The following KCNIP4 variants were observed in gnomAD, a reference collection of about 807,000 sequenced individuals.
KCNIP4 encodes the protein potassium voltage-gated channel interacting protein 4, also known as Kv channel-interacting protein 4.
A neutral mutation model predicts 34.0 loss-of-function variants in KCNIP4; 12 were observed. The ratio of observed to expected loss-of-function variants is 0.35; its 90% CI spans 0.23 to 0.57. The LOEUF is 0.57. Ranked by LOEUF, KCNIP4 falls within the 20% of genes least tolerant of loss-of-function variation. The pLI is 0.83. For missense variants in KCNIP4, 238 were observed against 311.7 expected, an observed-to-expected ratio of 0.76 and a Z score of 1.78; for synonymous variants, 124 against 102.2, an observed-to-expected ratio of 1.21 and a Z score of -1.29.
chr4:21,881,506 C>T (rs1726458999), intron 1 of KCNIP4, among the ~76,000 whole-genome samples: 2 of 43,554 alleles, frequency 4.6e-5, no homozygotes, highest in South Asian at 4.1e-3. Context: ...ATAACTAGGT[C>T]ACTGTCCTTG....
Position 21,129,247 on chromosome 4 carries a change from C to T in KCNIP4, c.62-246538G>A, listed in dbSNP as rs1037296571. On this transcript the variant is annotated intron_variant, in intron 1 of 8. Transcript: ENST00000382152. ...CACGATTGTGAGGCCTACCTAGCCA[C>T]GTAGAACTGTGAGTCAATTAAACCT... 5.3e-5 allele frequency among the ~76,000 whole-genome samples: 8 copies of T among 152,316 alleles called. 1 individual carries two copies. The highest frequency in any genetic ancestry group is 2.6e-4 in the Admixed American group (4 of 15,290).
intron 1 of KCNIP4, among the ~76,000 whole-genome samples, chr4:21,431,935 A>T (rs577747287): frequency 6.6e-6 from 1 of 151,070 alleles, no homozygotes; most frequent in Non-Finnish European, 1.5e-5. Context: ...TTTAATAAAA[A>T]GCTACTGATA....
At chr4:21,291,692 CA>C (rs879826777) in intron 1 of KCNIP4, among the ~76,000 whole-genome samples, 158 of 139,670 alleles carry the variant, frequency 1.1e-3, no homozygotes, top group South Asian at 1.8e-3. Flanking sequence ...TATTAAAATA[CA>C]AAAAAAAAAA....
intron 3 of KCNIP4, among the ~76,000 whole-genome samples, chr4:20,764,253 T>C (rs1414998605): frequency 6.6e-6 from 1 of 152,206 alleles, no homozygotes; most frequent in African/African-American, 2.4e-5. Context: ...ATTGGTCATT[T>C]ATATAAGCAT....
chr4:21,592,066 A>G (rs1417312653), intron 1 of KCNIP4, among the ~76,000 whole-genome samples: 2 of 152,112 alleles, frequency 1.3e-5, no homozygotes, highest in African/African-American at 4.8e-5. Flanking sequence ...ATACTGGAGT[A>G]ACAGAATTCA....
intron 1 of KCNIP4, among the ~76,000 whole-genome samples, chr4:21,404,128 G>A (rs1329338008): frequency 6.6e-6 from 1 of 152,050 alleles, no homozygotes; most frequent in Non-Finnish European, 1.5e-5. Flanking sequence ...CCTCTGCCTG[G>A]GGGGGCTCTC....
chr4:21,751,209 C>G (rs1717128995), intron 1 of KCNIP4, among the ~76,000 whole-genome samples: 1 of 152,114 alleles, frequency 6.6e-6, no homozygotes, highest in Non-Finnish European at 1.5e-5. Flanking sequence ...TAGTGTTACA[C>G]ATTTAAAGAG....
At chr4:21,110,361 A>G (rs889513812) in intron 1 of KCNIP4, among the ~76,000 whole-genome samples, 3 of 152,204 alleles carry the variant, frequency 2.0e-5, no homozygotes, top group Admixed American at 2.0e-4. Flanking sequence ...CACAGCAAGG[A>G]GGGCCAAATG....
chr4:20,859,797 G>A (rs1343995905), intron 2 of KCNIP4, among the ~76,000 whole-genome samples: 4 of 152,256 alleles, frequency 2.6e-5, no homozygotes, highest in African/African-American at 9.6e-5. Context: ...CTTGCCTTAC[G>A]AACAAATATG....
chr4:21,301,294 G>A (rs762131298), intron 1 of KCNIP4, among the ~76,000 whole-genome samples: 4 of 152,018 alleles, frequency 2.6e-5, no homozygotes, highest in Non-Finnish European at 2.9e-5. Context: ...TTATACAAAT[G>A]TCATATTTTA....
chr4:21,626,493 CT>C, intron 1 of KCNIP4, among the ~76,000 whole-genome samples: 1 of 151,996 alleles, frequency 6.6e-6, no homozygotes, highest in South Asian at 2.1e-4. Context: ...TGAAACCTAC[CT>C]TGCTGGCACA....
intron 1 of KCNIP4, among the ~76,000 whole-genome samples, chr4:21,438,890 T>C (rs1022785233): frequency 1.3e-5 from 2 of 151,850 alleles, no homozygotes; most frequent in Non-Finnish European, 2.9e-5. Context: ...GGACGGGGCG[T>C]GGTGGCTCAC....
At chr4:21,770,836 G>T (rs7697653) in intron 1 of KCNIP4, among the ~76,000 whole-genome samples, 22,621 of 152,072 alleles carry the variant, frequency 0.15, 5,656 homozygotes, top group African/African-American at 0.51. Flanking sequence ...ATAAATTCTG[G>T]ATATTAGCCC....
At chr4:21,071,447 A>C (rs1000244038) in intron 1 of KCNIP4, among the ~76,000 whole-genome samples, 13 of 152,022 alleles carry the variant, frequency 8.6e-5, no homozygotes, top group African/African-American at 2.4e-5. Context: ...TGTTTCTTTA[A>C]TCTGTCTTTC....
intron 1 of KCNIP4, among the ~76,000 whole-genome samples, chr4:21,118,244 C>G (rs1330636145): frequency 1.3e-5 from 2 of 152,136 alleles, no homozygotes; most frequent in African/African-American, 4.8e-5. Flanking sequence ...GTCCAATCCA[C>G]AAACCCTGCA....
chr4:21,843,415 C>T (rs1723810719), intron 1 of KCNIP4: 1 of 152,026 alleles, frequency 6.6e-6, no homozygotes, highest in African/African-American at 2.4e-5. Flanking sequence ...AATATGGCAC[C>T]TTGACATTGG....
intron 1 of KCNIP4, among the ~76,000 whole-genome samples, chr4:21,585,461 C>T (rs1453727553): frequency 6.6e-6 from 1 of 152,104 alleles, no homozygotes; most frequent in Non-Finnish European, 1.5e-5. Flanking sequence ...ATAAATACTA[C>T]TTACACAACT....
At chr4:21,631,974 T>C (rs1745795997) in intron 1 of KCNIP4, among the ~76,000 whole-genome samples, 1 of 152,220 alleles carries the variant, frequency 6.6e-6, no homozygotes, top group Non-Finnish European at 1.5e-5. Flanking sequence ...TCCCATCCAT[T>C]AAGAATTATG....
chr4:21,058,695 T>A (rs1357820368), intron 1 of KCNIP4, among the ~76,000 whole-genome samples: 2 of 152,110 alleles, frequency 1.3e-5, no homozygotes, highest in Non-Finnish European at 2.9e-5. Context: ...TTTTAACCAT[T>A]CTTTGATAAG....
Sources: gnomAD v4.1 joint callset for allele counts (sites outside exome capture counted in the v4.1 genomes callset) on GRCh38, gnomAD v4.1.1 for gene constraint, MANE v1.5 for transcripts, NCBI Gene and HGNC (gene_info 2026-07-23, HGNC 2026-07-21) for gene names.